Variants in C4orf51 observed in about 807,000 individuals in gnomAD.
C4orf51 encodes the protein uncharacterized protein C4orf51.
In C4orf51, 25 loss-of-function variants were observed where a neutral mutation model predicts 25.2. The observed-to-expected ratio is 0.99, with a 90% CI of 0.72 to 1.39. C4orf51 has a LOEUF of 1.39. Ranked by LOEUF, C4orf51 falls within the 40% of genes most tolerant of loss-of-function variation. C4orf51 has a pLI of 0.00. For missense variants in C4orf51, 252 were observed against 239.6 expected (o/e 1.05, Z -0.34); for synonymous variants, 100 against 84.5 (o/e 1.18, Z -1.01).
intron 2 of C4orf51, among the ~76,000 whole-genome samples, chr4:145,702,182 T>C (rs1334220639): frequency 5.3e-5 from 8 of 152,008 alleles, no homozygotes; most frequent in Non-Finnish European, 1.2e-4. Flanking sequence ...ATTCCCCCAT[T>C]TTACCTGTCC....
At chr4:145,686,640 A>G (rs1195261147) in intron 1 of C4orf51, among the ~76,000 whole-genome samples, 1 of 152,204 alleles carries the variant, frequency 6.6e-6, no homozygotes, top group East Asian at 1.9e-4. Context: ...ATATTCAAGG[A>G]AAACTAAAAA....
At chr4:145,747,348 A>G (rs1352275670) in intron 1 of C4orf51, among the ~76,000 whole-genome samples, 2 of 150,250 alleles carry the variant, frequency 1.3e-5, no homozygotes, top group Non-Finnish European at 3.0e-5. Flanking sequence ...ATATGGCTCT[A>G]ATTATGTTGA....
chr4:145,766,104 A>T (rs1250974933), intron 1 of C4orf51, among the ~76,000 whole-genome samples: 2 of 152,208 alleles, frequency 1.3e-5, no homozygotes, highest in Non-Finnish European at 2.9e-5. Context: ...AACTGTTATC[A>T]GCCCCATTTT....
chr4:145,694,875 G>A (rs72950902), intron 1 of C4orf51, among the ~76,000 whole-genome samples: 1,633 of 152,240 alleles, frequency 0.011, 33 homozygotes, highest in African/African-American at 0.037. Context: ...AAATAATTAT[G>A]AACTTAATGT....
chr4:145,720,175 G>C (rs1488576822), intron 2 of C4orf51, among the ~76,000 whole-genome samples: 5 of 152,114 alleles, frequency 3.3e-5, no homozygotes, highest in Non-Finnish European at 7.4e-5. Flanking sequence ...TCTAAGAAAG[G>C]CACTCTACAC....
At chr4:145,747,652 G>A (rs1733442584) in intron 1 of C4orf51, among the ~76,000 whole-genome samples, 1 of 151,234 alleles carries the variant, frequency 6.6e-6, no homozygotes, top group Non-Finnish European at 1.5e-5. Context: ...TTGATCTTTA[G>A]TCTCCCTTCC....
intron 1 of C4orf51, among the ~76,000 whole-genome samples, chr4:145,687,090 G>C (rs1421629119): frequency 6.6e-6 from 1 of 152,126 alleles, no homozygotes; most frequent in African/African-American, 2.4e-5. Flanking sequence ...TGTCAAGCTG[G>C]TAGCTGCTTA....
chr4:145,693,600 T>A (rs200285585), intron 1 of C4orf51, among the ~76,000 whole-genome samples: 27 of 138,814 alleles, frequency 1.9e-4, no homozygotes, highest in South Asian at 7.3e-4. Context: ...CACTTCCCAG[T>A]AGGGGCGGCC....
intron 5 of C4orf51, among the ~76,000 whole-genome samples, chr4:145,730,531 TAGAG>T (rs764359288): frequency 6.6e-6 from 1 of 152,204 alleles, no homozygotes; most frequent in Non-Finnish European, 1.5e-5. Flanking sequence ...CAGACATTCT[TAGAG>T]AGTAAGTTGA....
intron 2 of C4orf51, among the ~76,000 whole-genome samples, chr4:145,705,630 C>T (rs2126715118): frequency 6.6e-6 from 1 of 152,230 alleles, no homozygotes; most frequent in Non-Finnish European, 1.5e-5. Flanking sequence ...TTGGTGAAAG[C>T]CGTATCCAAC....
intron 1 of C4orf51, among the ~76,000 whole-genome samples, chr4:145,693,606 C>T (rs1263880023): frequency 1.3e-4 from 19 of 145,474 alleles, no homozygotes; most frequent in South Asian, 2.2e-4. Flanking sequence ...CCAGTAGGGG[C>T]GGCCGGGCAG....
intron 1 of C4orf51, among the ~76,000 whole-genome samples, chr4:145,682,021 T>C (rs893124597): frequency 3.3e-5 from 5 of 151,894 alleles, no homozygotes; most frequent in African/African-American, 9.7e-5. Context: ...TTTACCAGAG[T>C]AGGAAAAAAG....
chr4:145,736,559 T>C (rs1258328912), downstream of C4orf51, among the ~76,000 whole-genome samples: 1 of 152,154 alleles, frequency 6.6e-6, no homozygotes, highest in Non-Finnish European at 1.5e-5. Flanking sequence ...TTCTCTGGCT[T>C]CCTGGCTTTC....
At position 145,695,154 on chromosome 4, in the gene C4orf51, A is replaced by C. The variant is rs527548897; in HGVS notation, c.234-1405A>C. Among the ~76,000 whole-genome samples the C allele has an allele frequency of 2.6e-5, 4 of 152,322 alleles. No homozygotes were observed. The South Asian group carries it at 6.2e-4, about 24-fold the overall frequency. ...TAGTTCTATTTTTAGCTTTTTGAGG[A>C]ATTGTCATACTGCTTTCCACAGTGG... On this transcript the variant is annotated intron_variant, in intron 1 of 5. Coordinates refer to ENST00000438731, the MANE Select transcript of C4orf51 (RefSeq NM_001080531.3).
exon 2 of C4orf51, chr4:145,754,243 C>T (rs1209308169): frequency 1.3e-5 from 2 of 152,282 alleles, no homozygotes. Flanking sequence ...ACAGGACCTC[C>T]TCTTGGCTTC....
intron 2 of C4orf51, among the ~76,000 whole-genome samples, chr4:145,699,602 G>A (rs1178188180): frequency 1.3e-5 from 2 of 152,174 alleles, no homozygotes; most frequent in East Asian, 1.9e-4. Flanking sequence ...CGCCGGTCAC[G>A]GACTGGGAAG....
chr4:145,713,512 A>G (rs1731240993), intron 2 of C4orf51, among the ~76,000 whole-genome samples: 1 of 152,228 alleles, frequency 6.6e-6, no homozygotes, highest in African/African-American at 2.4e-5. Flanking sequence ...CTAGAATTAG[A>G]GGTGGAGCCT....
intron 2 of C4orf51, among the ~76,000 whole-genome samples, chr4:145,704,749 C>A (rs1730686398): frequency 6.6e-6 from 1 of 152,194 alleles, no homozygotes. Context: ...GCAATCGCAA[C>A]TCTTGCCTCC....
At chr4:145,722,279 A>G (rs1731780786) in intron 2 of C4orf51, among the ~76,000 whole-genome samples, 1 of 152,204 alleles carries the variant, frequency 6.6e-6, no homozygotes, top group African/African-American at 2.4e-5. Context: ...AAATCTCTCT[A>G]TACTGATGCC....
Sources: allele counts gnomAD v4.1 joint callset (sites outside exome capture counted in the v4.1 genomes callset), GRCh38; gene constraint gnomAD v4.1.1; transcripts MANE v1.5; gene names NCBI Gene and HGNC (gene_info 2026-07-23, HGNC 2026-07-21).